The following SHISA9 variants were observed in gnomAD, a reference collection of about 807,000 sequenced individuals.
The protein encoded by SHISA9 is shisa family member 9, also known as protein shisa-9.
Under a neutral mutation model 38.0 loss-of-function variants are expected in SHISA9, and 13 were observed. The ratio of observed to expected loss-of-function variants is 0.34; its 90% CI spans 0.22 to 0.54. The LOEUF (loss-of-function observed/expected upper bound fraction) is 0.54, where lower values mean the gene tolerates loss of function less well. Among genes scored for constraint, SHISA9 ranks in the 20% least tolerant of loss-of-function variants. The pLI, the probability that SHISA9 is intolerant of heterozygous loss-of-function variation, is 0.91. For synonymous variants in SHISA9, 275 were observed against 242.0 expected (o/e 1.14, Z -1.27); for missense variants, 538 against 575.8 (o/e 0.93, Z 0.67).
At chr16:13,343,626 A>G in the SHISA9 span, among the ~76,000 whole-genome samples, 12,500 of 152,204 alleles carry the variant, frequency 0.082, 678 homozygotes, top group South Asian at 0.21. Context: ...GAGAAATCCT[A>G]TAATTAAAGT....
At chr16:13,448,332 G>C in the SHISA9 span, among the ~76,000 whole-genome samples, 2 of 152,200 alleles carry the variant, frequency 1.3e-5, no homozygotes, top group Non-Finnish European at 2.9e-5. Context: ...CGCCTTCAAA[G>C]GCCATTATCG....
At chr16:12,925,985 C>A (rs1233213759) in intron 2 of SHISA9, among the ~76,000 whole-genome samples, 1 of 152,150 alleles carries the variant, frequency 6.6e-6, no homozygotes, top group East Asian at 1.9e-4. Flanking sequence ...CTCGGCCTCC[C>A]AAAGTGCTGG....
At chr16:13,137,681 C>T (rs545314101) in intron 2 of SHISA9, among the ~76,000 whole-genome samples, 198 of 152,226 alleles carry the variant, frequency 1.3e-3, no homozygotes, top group African/African-American at 4.6e-3. Flanking sequence ...GTCTTGATCT[C>T]TTAACCTTGT....
In SHISA9 at chr16:12,961,586, A is replaced by G. The variant is rs113975267; in HGVS notation, c.691+44771A>G. ...AGGTCCCCAGAGCACCCCGGCCAAA[A>G]CTGAGGAAGAGAACAGAGTTTTTCA... On this transcript the variant is annotated intron_variant, in intron 2 of 4. Transcript: ENST00000558583. Among the ~76,000 whole-genome samples, 1,006 of 152,288 alleles carry G rather than the reference A, an allele frequency of 6.6e-3. 11 individuals are homozygous for G. The highest frequency in any genetic ancestry group is 0.022 in the African/African-American group (928 of 41,558).
the SHISA9 span, among the ~76,000 whole-genome samples, chr16:13,516,240 C>T: frequency 6.6e-6 from 1 of 152,324 alleles, no homozygotes; most frequent in African/African-American, 2.4e-5. Context: ...AAATAAATGG[C>T]TTCCATGTTT....
At chr16:13,390,842 T>C in the SHISA9 span, among the ~76,000 whole-genome samples, 1 of 152,190 alleles carries the variant, frequency 6.6e-6, no homozygotes, top group Non-Finnish European at 1.5e-5. Flanking sequence ...GTGACTTCTC[T>C]TGGCTGTGTG....
chr16:12,999,845 C>T (rs1429559983), intron 2 of SHISA9, among the ~76,000 whole-genome samples: 1 of 152,170 alleles, frequency 6.6e-6, no homozygotes, highest in African/African-American at 2.4e-5. Flanking sequence ...CCCTTTCCCG[C>T]AAGTGTCCAA....
chr16:13,469,383 AAGAAAG>A, the SHISA9 span, among the ~76,000 whole-genome samples: 68 of 109,750 alleles, frequency 6.2e-4, no homozygotes, highest in Middle Eastern at 4.6e-3. Flanking sequence ...GAAAGAAAGA[AAGAAAG>A]AAAGAAAGAA....
chr16:13,294,142 T>C, the SHISA9 span, among the ~76,000 whole-genome samples: 17 of 152,306 alleles, frequency 1.1e-4, no homozygotes, highest in South Asian at 2.1e-4. Context: ...TGCTTGGTCA[T>C]TGGATTATGC....
chr16:13,161,490 G>A (rs894550496), intron 2 of SHISA9, among the ~76,000 whole-genome samples: 3 of 152,060 alleles, frequency 2.0e-5, no homozygotes, highest in Admixed American at 1.3e-4. Context: ...TCTTGACTTT[G>A]GGCATTTTTC....
intron 2 of SHISA9, among the ~76,000 whole-genome samples, chr16:13,110,331 G>A (rs954404516): frequency 6.6e-6 from 1 of 152,198 alleles, no homozygotes; most frequent in African/African-American, 2.4e-5. Flanking sequence ...CTGTCTGAAC[G>A]TGGCTTTTTC....
chr16:13,281,417 G>A, the SHISA9 span, among the ~76,000 whole-genome samples: 4 of 151,600 alleles, frequency 2.6e-5, no homozygotes, highest in African/African-American at 4.8e-5. Context: ...ATTTCAAAAT[G>A]TGCATCTTCA....
chr16:13,378,844 G>A, the SHISA9 span, among the ~76,000 whole-genome samples: 2 of 152,140 alleles, frequency 1.3e-5, no homozygotes, highest in Admixed American at 1.3e-4. Flanking sequence ...CTAGTTTGGG[G>A]GTTGCTCCAT....
chr16:13,481,351 G>A, the SHISA9 span, among the ~76,000 whole-genome samples: 2 of 152,116 alleles, frequency 1.3e-5, no homozygotes, highest in Non-Finnish European at 2.9e-5. Context: ...TTTGGAAAAA[G>A]TACAACTCAT....
the SHISA9 span, among the ~76,000 whole-genome samples, chr16:13,405,353 A>G: frequency 6.6e-6 from 1 of 152,342 alleles, no homozygotes; most frequent in East Asian, 1.9e-4. Flanking sequence ...AAGTGTTTCC[A>G]AAGCATTCTG....
chr16:13,159,409 C>T (rs970402275), intron 2 of SHISA9, among the ~76,000 whole-genome samples: 1 of 152,140 alleles, frequency 6.6e-6, no homozygotes, highest in Non-Finnish European at 1.5e-5. Context: ...TCTCCAGATC[C>T]CCAGTGGCTC....
At chr16:13,234,630 T>C (rs754264976) in intron 4 of SHISA9, among the ~76,000 whole-genome samples, 25 of 152,296 alleles carry the variant, frequency 1.6e-4, no homozygotes, top group Non-Finnish European at 2.9e-4. Context: ...GATTGGTAGG[T>C]CATAGATAGG....
rs2073614200 is a variant in SHISA9 at position 13,078,815 on chromosome 16, C to T, written c.692-124579C>T. On this transcript the variant is annotated intron_variant, in intron 2 of 4. Coordinates refer to ENST00000558583, the MANE Select transcript of SHISA9 (RefSeq NM_001145204.3). ...TCTAAGTGTTTGATGGAGTCCATGT[C>T]TCCTCATTTAATTCTGCAGCAACCT... Among the ~76,000 whole-genome samples the T allele has an allele frequency of 2.0e-5, 3 of 152,200 alleles. No individual in the cohort carries two copies. The South Asian group carries it at 6.2e-4, about 31-fold the overall frequency.
At chr16:13,199,822 C>T (rs965957145) in intron 2 of SHISA9, among the ~76,000 whole-genome samples, 2 of 152,266 alleles carry the variant, frequency 1.3e-5, no homozygotes, top group Admixed American at 1.3e-4. Flanking sequence ...TGCTCGCTTC[C>T]ATGGCCAGGG....
Sources: gnomAD v4.1 joint callset for allele counts (sites outside exome capture counted in the v4.1 genomes callset) on GRCh38, gnomAD v4.1.1 for gene constraint, MANE v1.5 for transcripts, NCBI Gene and HGNC (gene_info 2026-07-23, HGNC 2026-07-21) for gene names.